Variants in SCARB2 observed in about 807,000 individuals in gnomAD.
The protein encoded by SCARB2 is lysosome membrane protein 2.
A neutral mutation model predicts 58.6 loss-of-function variants in SCARB2; 29 were observed. That is an observed-to-expected ratio of 0.49 (90% CI 0.37 to 0.67). The LOEUF (loss-of-function observed/expected upper bound fraction) is 0.67, where lower values mean the gene tolerates loss of function less well. Ranked by LOEUF, SCARB2 falls within the 30% of genes least tolerant of loss-of-function variation. The pLI, the probability that SCARB2 is intolerant of heterozygous loss-of-function variation, is 0.00. For synonymous variants in SCARB2, 195 were observed against 210.1 expected (o/e 0.93, Z 0.62); for missense variants, 488 against 578.5 (o/e 0.84, Z 1.60).
chr4:76,233,637 T>C (rs530273898), intron 1 of SCARB2, among the ~76,000 whole-genome samples: 1 of 151,620 alleles, frequency 6.6e-6, no homozygotes, highest in African/African-American at 2.4e-5. Flanking sequence ...CACACACATA[T>C]AACAGCCAGG....
chr4:76,229,983 C>T (rs1733465628), intron 1 of SCARB2, among the ~76,000 whole-genome samples: 1 of 152,262 alleles, frequency 6.6e-6, no homozygotes. Context: ...GGAGGTGGTG[C>T]TTTCAAGAGA....
chr4:76,165,011 C>T (rs1578713273), intron 10 of SCARB2: 1 of 152,152 alleles, frequency 6.6e-6, no homozygotes, highest in African/African-American at 2.4e-5. Flanking sequence ...AGCAAAAATA[C>T]AAGGTTCCAC....
At chr4:76,214,406 T>C (rs1733159971), upstream of SCARB2, 1 of 423,218 alleles carries the variant, frequency 2.4e-6, no homozygotes, top group African/African-American at 2.1e-5. Context: ...GGAGGAGGCA[T>C]TTCACGGAGA....
At chr4:76,176,134 G>T in intron 5 of SCARB2, 1 of 621,306 alleles carries the variant, frequency 1.6e-6, no homozygotes, top group South Asian at 2.0e-5. Context: ...AACATGTGGT[G>T]GTTTGAAAAG....
At chr4:76,169,286 C>T (rs901243313) in intron 8 of SCARB2, among the ~76,000 whole-genome samples, 2 of 150,470 alleles carry the variant, frequency 1.3e-5, no homozygotes, top group Admixed American at 6.6e-5. Context: ...TTGTTTTTCT[C>T]GTCTATGAAT....
intron 7 of SCARB2, among the ~76,000 whole-genome samples, chr4:76,171,010 C>T (rs1019783101): frequency 6.7e-6 from 1 of 148,980 alleles, no homozygotes; most frequent in African/African-American, 2.4e-5. Flanking sequence ...GAAACCTATT[C>T]TAGATCTGGC....
At chr4:76,185,780 T>C (rs1732473968) in intron 2 of SCARB2, among the ~76,000 whole-genome samples, 1 of 152,216 alleles carries the variant, frequency 6.6e-6, no homozygotes, top group Admixed American at 6.5e-5. Flanking sequence ...GAATTACTAT[T>C]AAGAAGTGAT....
chr4:76,200,469 T>C (rs191171614), intron 1 of SCARB2, among the ~76,000 whole-genome samples: 34 of 152,338 alleles, frequency 2.2e-4, no homozygotes, highest in African/African-American at 8.2e-4. Context: ...AAATTAATAA[T>C]TGGACTAAAA....
upstream of SCARB2, among the ~76,000 whole-genome samples, chr4:76,215,552 C>T (rs973250150): frequency 1.3e-5 from 2 of 152,182 alleles, no homozygotes; most frequent in African/African-American, 4.8e-5. Context: ...TATACTTTCT[C>T]GCTTTGAATT....
chr4:76,179,768 CCTA>C, intron 3 of SCARB2, 63 bp from the exon 4 acceptor site: 1 of 1,223,536 alleles, frequency 8.2e-7, no homozygotes, highest in Non-Finnish European at 1.2e-6. Flanking sequence ...TCCACTCTCT[CCTA>C]CTACCCCATA....
At chr4:76,206,760 G>A (rs1252785722) in intron 1 of SCARB2, among the ~76,000 whole-genome samples, 1 of 151,434 alleles carries the variant, frequency 6.6e-6, no homozygotes, top group East Asian at 1.9e-4. Flanking sequence ...AGGCCAGAAG[G>A]GAATTACTGA....
chr4:76,216,764 C>G (rs111467309), upstream of SCARB2, among the ~76,000 whole-genome samples: 1,346 of 152,316 alleles, frequency 8.8e-3, 18 homozygotes, highest in Non-Finnish European at 0.015. Flanking sequence ...AAATCTCTTT[C>G]TTGGTTCTTC....
chr4:76,182,104 T>C (rs532679314), intron 2 of SCARB2, among the ~76,000 whole-genome samples: 156 of 152,290 alleles, frequency 1.0e-3, no homozygotes, highest in African/African-American at 3.7e-3. Context: ...ATCTGATCTT[T>C]TGTTCATCAA....
chr4:76,191,484 C>G (rs556377755), intron 2 of SCARB2, among the ~76,000 whole-genome samples: 1 of 152,096 alleles, frequency 6.6e-6, no homozygotes, highest in African/African-American at 2.4e-5. Context: ...CGAGATCTGG[C>G]TGTTGTAAAG....
chr4:76,217,422 G>A (rs1733227108), upstream of SCARB2, among the ~76,000 whole-genome samples: 1 of 152,164 alleles, frequency 6.6e-6, no homozygotes, highest in South Asian at 2.1e-4. Flanking sequence ...TGGGTCCTGA[G>A]GAGAGATTGT....
chr4:76,169,839 C>G (rs1732092234), intron 8 of SCARB2, 28 bp downstream of exon 8: 4 of 1,528,782 alleles, frequency 2.6e-6, no homozygotes, highest in Middle Eastern at 1.7e-4. Context: ...AACATATGCT[C>G]TTTTACCAGG....
At chr4:76,191,605 G>A (rs1732606853) in intron 2 of SCARB2, among the ~76,000 whole-genome samples, 1 of 152,062 alleles carries the variant, frequency 6.6e-6, no homozygotes. Context: ...CAGAAGCCAA[G>A]CAGATGCCAG....
In SCARB2 at chr4:76,201,107, C is replaced by T. The variant is rs571367270; in HGVS notation, c.118-5243G>A. 7.9e-5 allele frequency among the ~76,000 whole-genome samples: 12 copies of T among 152,284 alleles called. No individual in the cohort carries two copies. In the South Asian group the frequency reaches 2.3e-3, roughly 29 times the overall value. ...GTAGGCACTTTATGCACCAGTAACA[C>T]GCAACCATCTACTGTTACCTAGCAC... is the stretch of plus-strand genomic sequence containing the variant. On this transcript the variant is annotated intron_variant, in intron 1 of 11. Transcript: ENST00000264896.
In SCARB2 at chr4:76,163,360, C is replaced by T. The variant is rs137992547; in HGVS notation, c.1263G>A (p.Thr421=). 50 of 1,614,008 alleles carry T rather than the reference C, an allele frequency of 3.1e-5. No individual in the cohort carries two copies. The highest frequency in any genetic ancestry group is 1.1e-4 in the East Asian group (5 of 44,896). The change falls in exon 11 of 12, where the codon ACG becomes ACA. Residue 421 remains threonine (T), a synonymous_variant. Transcript: ENST00000264896. ...LNESVHIDKE[T]ASRLKSMINT... is the part of the protein sequence containing the mutation. ...TAATCATAGACTTCAGTCGACTCGC[C>T]GTCTCTTTATCAATGTGAACACTCT... is the stretch of plus-strand genomic sequence containing the variant.
Sources: gnomAD v4.1 joint callset for allele counts (sites outside exome capture counted in the v4.1 genomes callset) on GRCh38, gnomAD v4.1.1 for gene constraint, MANE v1.5 for transcripts, NCBI Gene and HGNC (gene_info 2026-07-23, HGNC 2026-07-21) for gene names.